Variants in RAB38 observed in about 807,000 individuals in gnomAD.
RAB38 encodes the protein RAB38, member RAS oncogene family.
In RAB38, 15 loss-of-function variants were observed where a neutral mutation model predicts 18.4. The observed-to-expected ratio is 0.82, with a 90% CI of 0.55 to 1.26. The LOEUF is 1.26. RAB38 is among the 50% of genes most tolerant of loss of function. The probability of loss-of-function intolerance (pLI) is 0.00; values close to 1 mark genes in which losing one functional copy is unlikely to be tolerated. For synonymous variants in RAB38, 101 were observed against 104.4 expected (o/e 0.97, Z 0.20); for missense variants, 294 against 267.4 (o/e 1.10, Z -0.69).
chr11:88,134,551 T>C (rs1156889040), intron 2 of RAB38, among the ~76,000 whole-genome samples: 1 of 152,216 alleles, frequency 6.6e-6, no homozygotes, highest in East Asian at 1.9e-4. Context: ...CCGCCAATTC[T>C]ATTCTTACAG....
chr11:87,952,796 G>T, the RAB38 span, among the ~76,000 whole-genome samples: 2 of 152,076 alleles, frequency 1.3e-5, no homozygotes, highest in Non-Finnish European at 2.9e-5. Flanking sequence ...TTACATGTTT[G>T]TCTGATTATA....
chr11:88,163,186 C>A (rs34634597), intron 1 of RAB38, among the ~76,000 whole-genome samples: 1 of 152,212 alleles, frequency 6.6e-6, no homozygotes, highest in African/African-American at 2.4e-5. Context: ...TACTCAATTA[C>A]TATATTCGGT....
chr11:87,856,872 T>A, the RAB38 span, among the ~76,000 whole-genome samples: 418 of 151,094 alleles, frequency 2.8e-3, 2 homozygotes, highest in African/African-American at 6.9e-3. Flanking sequence ...TTCTTTTTTT[T>A]AAAAATTATA....
At chr11:87,900,661 TAGGA>T in the RAB38 span, among the ~76,000 whole-genome samples, 12,788 of 131,184 alleles carry the variant, frequency 0.097, 673 homozygotes, top group Middle Eastern at 0.14. Flanking sequence ...GAAAGAAAGG[TAGGA>T]AGGAAGGAAG....
At chr11:88,122,084 C>T (rs1163594189) in intron 2 of RAB38, among the ~76,000 whole-genome samples, 1 of 151,812 alleles carries the variant, frequency 6.6e-6, no homozygotes, top group Non-Finnish European at 1.5e-5. Flanking sequence ...AAGTTCCTGG[C>T]CCCTGAAAAT....
the RAB38 span, among the ~76,000 whole-genome samples, chr11:87,838,259 C>T: frequency 1.4e-3 from 216 of 152,072 alleles, 1 homozygote; most frequent in African/African-American, 4.9e-3. Flanking sequence ...GGACTACAGG[C>T]GCCTGCCACC....
the RAB38 span, among the ~76,000 whole-genome samples, chr11:87,823,666 T>G: frequency 2.0e-5 from 3 of 151,916 alleles, no homozygotes; most frequent in Non-Finnish European, 4.4e-5. Flanking sequence ...GAAAGTAAAG[T>G]TTTTTTTCAA....
At chr11:88,092,846 A>G in the RAB38 span, among the ~76,000 whole-genome samples, 2 of 151,860 alleles carry the variant, frequency 1.3e-5, no homozygotes, top group Admixed American at 6.6e-5. Context: ...GTAGTATAAA[A>G]ATGAATAAAG....
the RAB38 span, among the ~76,000 whole-genome samples, chr11:88,004,464 G>GT: frequency 1.3e-5 from 2 of 151,000 alleles, no homozygotes. Context: ...TGAAATATAA[G>GT]GAAAGTTCCT....
intron 1 of RAB38, among the ~76,000 whole-genome samples, chr11:88,150,987 T>TA (rs1943057168): frequency 6.6e-6 from 1 of 152,174 alleles, no homozygotes; most frequent in Non-Finnish European, 1.5e-5. Flanking sequence ...TACAACCTAT[T>TA]GGATAAGAAA....
chr11:88,049,582 T>TG, the RAB38 span, among the ~76,000 whole-genome samples: 5 of 152,208 alleles, frequency 3.3e-5, no homozygotes, highest in African/African-American at 1.2e-4. Context: ...ATAAACAGCC[T>TG]TGTTGCTCAC....
At chr11:87,976,827 T>A in the RAB38 span, among the ~76,000 whole-genome samples, 1 of 72,824 alleles carries the variant, frequency 1.4e-5, no homozygotes, top group African/African-American at 6.4e-5. Context: ...ATACAATGTA[T>A]AATATAAATA....
chr11:87,931,586 C>T, the RAB38 span, among the ~76,000 whole-genome samples: 1 of 152,094 alleles, frequency 6.6e-6, no homozygotes, highest in East Asian at 1.9e-4. Context: ...ATTCCCTGAA[C>T]ACCAGGCACA....
the RAB38 span, among the ~76,000 whole-genome samples, chr11:87,909,062 T>C: frequency 1.3e-5 from 2 of 151,974 alleles, no homozygotes; most frequent in Non-Finnish European, 2.9e-5. Context: ...TGGATCTGTG[T>C]ACTCACATAT....
chr11:88,065,671 T>G, the RAB38 span, among the ~76,000 whole-genome samples: 2 of 152,204 alleles, frequency 1.3e-5, no homozygotes, highest in African/African-American at 4.8e-5. Context: ...TAACATGTTT[T>G]ATTACTCTAC....
chr11:87,977,641 A>T, the RAB38 span, among the ~76,000 whole-genome samples: 2 of 118,390 alleles, frequency 1.7e-5, no homozygotes, highest in African/African-American at 3.3e-5. Context: ...TTATATAATT[A>T]TATAAATTAT....
chr11:88,102,365 G>A, the RAB38 span, among the ~76,000 whole-genome samples: 43 of 152,108 alleles, frequency 2.8e-4, no homozygotes, highest in African/African-American at 9.9e-4. Flanking sequence ...TCTCAGTGAG[G>A]CTTCCACTTT....
At chr11:87,858,276 G>A in the RAB38 span, among the ~76,000 whole-genome samples, 2 of 152,066 alleles carry the variant, frequency 1.3e-5, no homozygotes, top group African/African-American at 2.4e-5. Flanking sequence ...ACAATGCCGG[G>A]TGGAGCTCTC....
At chr11:88,135,870 G>A (rs1400759415) in intron 2 of RAB38, among the ~76,000 whole-genome samples, 2 of 152,138 alleles carry the variant, frequency 1.3e-5, no homozygotes, top group South Asian at 2.1e-4. Flanking sequence ...GAGAACCCCA[G>A]GGGAAATGAA....
Sources: allele counts gnomAD v4.1 joint callset (sites outside exome capture counted in the v4.1 genomes callset), GRCh38; gene constraint gnomAD v4.1.1; transcripts MANE v1.5; gene names NCBI Gene and HGNC (gene_info 2026-07-23, HGNC 2026-07-21).